LAMA3: variants seen among roughly 807,000 people sequenced by gnomAD.
LAMA3 encodes the protein laminin subunit alpha-3.
In LAMA3, 281 loss-of-function variants were observed where a neutral mutation model predicts 402.0. The observed-to-expected ratio is 0.70, with a 90% CI of 0.63 to 0.77. The LOEUF (loss-of-function observed/expected upper bound fraction) is 0.77. Ranked by LOEUF, LAMA3 falls within the 30% of genes least tolerant of loss-of-function variation. The pLI, the probability that LAMA3 is intolerant of heterozygous loss-of-function variation, is 0.00. For missense variants in LAMA3, 3,840 were observed against 4,215.5 expected (o/e 0.91, Z 2.47); for synonymous variants, 1,431 against 1,558.4 (o/e 0.92, Z 1.93).
intron 23 of LAMA3, among the ~76,000 whole-genome samples, chr18:23,829,169 G>T (rs2063446157): frequency 6.6e-6 from 1 of 152,162 alleles, no homozygotes; most frequent in Non-Finnish European, 1.5e-5. Flanking sequence ...TTATTGGTTA[G>T]GTTAGGTTTG....
chr18:23,747,948 C>A lies in LAMA3; in HGVS notation c.453C>A (p.Phe151Leu). Residue 151 changes from phenylalanine (F) to leucine (L), a missense_variant, in exon 3 of 75, where the codon TTC (phenylalanine) becomes TTA (leucine). Physicochemically the swap from Phe to Leu is conservative, Grantham distance 22 (BLOSUM62 0). Transcript: ENST00000313654. ...VNLTLDLGQL[F>L]HVAYILIKFA... The stretch of plus-strand genomic sequence containing the variant: ...TATCTCTTTTGTTTTATCAGCTCTT[C>A]CATGTGGCCTATATTTTAATCAAAT... 1 of 1,556,536 alleles carries A rather than the reference C, an allele frequency of 6.4e-7. No homozygotes were observed. Among genetic ancestry groups the A allele is most frequent in the Non-Finnish European group, 8.9e-7 (1 of 1,127,522 alleles).
intron 2 of LAMA3, among the ~76,000 whole-genome samples, chr18:23,725,299 CG>C: frequency 6.6e-6 from 1 of 152,196 alleles, no homozygotes; most frequent in Admixed American, 6.5e-5. Flanking sequence ...TTAGTAGAGA[CG>C]GGGTTCCACC....
intron 55 of LAMA3, among the ~76,000 whole-genome samples, chr18:23,910,720 A>G (rs1406517155): frequency 6.6e-6 from 1 of 152,232 alleles, no homozygotes; most frequent in Non-Finnish European, 1.5e-5. Context: ...TTTTAAAAAA[A>G]GCCACATTTA....
intron 1 of LAMA3, among the ~76,000 whole-genome samples, chr18:23,699,880 A>T (rs1416633316): frequency 6.6e-6 from 1 of 152,208 alleles, no homozygotes; most frequent in South Asian, 2.1e-4. Context: ...GAATAGATTG[A>T]TAATGTTTAC....
intron 6 of LAMA3, among the ~76,000 whole-genome samples, chr18:23,756,894 C>G (rs1181430655): frequency 1.3e-5 from 2 of 151,608 alleles, no homozygotes; most frequent in Admixed American, 6.6e-5. Context: ...TCCTCAGTCC[C>G]CTCCAAGCCT....
intron 68 of LAMA3, among the ~76,000 whole-genome samples, chr18:23,940,062 T>G (rs1037485908): frequency 2.0e-5 from 3 of 152,178 alleles, no homozygotes; most frequent in Admixed American, 6.5e-5. Context: ...CTCCAGACCA[T>G]GTGCCAGGGC....
At chr18:23,872,922 G>A in intron 38 of LAMA3, 1 of 1,258,404 alleles carries the variant, frequency 7.9e-7, no homozygotes, top group Non-Finnish European at 1.1e-6. Context: ...TTAAAGGTGG[G>A]GCCCCTGCCG....
intron 1 of LAMA3, among the ~76,000 whole-genome samples, chr18:23,706,033 G>C (rs1414788706): frequency 6.6e-6 from 1 of 151,912 alleles, no homozygotes; most frequent in African/African-American, 2.4e-5. Flanking sequence ...CGAAAAAGTA[G>C]GTGCTTTTTA....
In LAMA3 at chr18:23,914,448, C is replaced by T. The variant is rs764530111; in HGVS notation, c.7368C>T (p.Gly2456=). 1 of 1,614,098 alleles carries T rather than the reference C, an allele frequency of 6.2e-7. No homozygotes were observed. Among genetic ancestry groups the T allele is most frequent in the South Asian group, 1.1e-5 (1 of 91,068 alleles). Residue 2456 remains glycine (G), a synonymous_variant, in exon 57 of 75, where the codon GGC becomes GGT. Coordinates refer to ENST00000313654, the MANE Select transcript of LAMA3 (RefSeq NM_198129.4). ...ACATCGGCATGGCAGTTGTGGATGGCCAGCTCACCTGTGTCTACAACCTGG... is the reference window on the plus strand; with the variant it reads ...ACATCGGCATGGCAGTTGTGGATGGTCAGCTCACCTGTGTCTACAACCTGG... The part of the protein sequence containing the change: ...RDYIGMAVVD[G]QLTCVYNLGD...
At position 23,901,184 on chromosome 18, in the gene LAMA3, C is replaced by G; in HGVS notation, c.6062C>G (p.Ala2021Gly). ...KTHQGENNGL[A>G]NSIRDSLNEY... ...CACCAGGGGGAGAACAATGGGCTTG[C>G]TAACAGTATCCGGGATTCTTTAAAT... The change falls in exon 48 of 75, where the codon GCT becomes GGT. Residue 2021 changes from alanine to glycine, a missense_variant. Transcript: ENST00000313654. 6.2e-7 allele frequency: 1 copy of G among 1,614,192 alleles called. No individual in the cohort carries two copies. Among genetic ancestry groups the G allele is most frequent in the Non-Finnish European group, 8.5e-7 (1 of 1,180,018 alleles).
chr18:23,809,708 T>C (rs2063029945), intron 12 of LAMA3, among the ~76,000 whole-genome samples: 1 of 152,150 alleles, frequency 6.6e-6, no homozygotes, highest in Admixed American at 6.5e-5. Flanking sequence ...TGGTAACAGC[T>C]TGGGGGAGGG....
At position 23,894,983 on chromosome 18, in the gene LAMA3, G is replaced by A. The variant is rs749028845; in HGVS notation, c.5538G>A (p.Gln1846=). Residue 1846 remains glutamine (Q), a synonymous_variant, in exon 44 of 75, where the codon CAG becomes CAA. Transcript: ENST00000313654. Reference sequence around the variant, plus strand: ...AGCAGCTCCGCCTGGTCAAGTCTCAGCTGCAGGGCCTGAGTGCCAGCGCAG... The same window carrying A: ...AGCAGCTCCGCCTGGTCAAGTCTCAACTGCAGGGCCTGAGTGCCAGCGCAG... The part of the protein sequence containing the change: ...MGEQLRLVKS[Q]LQGLSASAGL... 1.2e-6 allele frequency: 2 copies of A among 1,613,950 alleles called. No individual in the cohort carries two copies. Among genetic ancestry groups the A allele is most frequent in the African/African-American group, 2.7e-5 (2 of 75,066 alleles).
At chr18:23,848,471 G>T (rs1165162153) in intron 32 of LAMA3, among the ~76,000 whole-genome samples, 1 of 152,184 alleles carries the variant, frequency 6.6e-6, no homozygotes, top group Non-Finnish European at 1.5e-5. Flanking sequence ...TAGAAGGAGA[G>T]ACTGGTAAGA....
intron 2 of LAMA3, among the ~76,000 whole-genome samples, chr18:23,724,369 A>G (rs892878943): frequency 2.1e-4 from 32 of 152,260 alleles, no homozygotes; most frequent in African/African-American, 7.2e-4. Context: ...AAAAGGAACA[A>G]TGATTTCTGG....
chr18:23,942,254 T>C (rs1380464201), intron 68 of LAMA3, among the ~76,000 whole-genome samples: 5 of 152,226 alleles, frequency 3.3e-5, no homozygotes, highest in African/African-American at 1.2e-4. Flanking sequence ...CCATGCCTCC[T>C]ATCTGGTGTC....
At chr18:23,813,983 G>A (rs553815080) in intron 14 of LAMA3, among the ~76,000 whole-genome samples, 1 of 152,276 alleles carries the variant, frequency 6.6e-6, no homozygotes, top group African/African-American at 2.4e-5. Context: ...TGACATTGAT[G>A]CAAGGCTGTG....
intron 2 of LAMA3, among the ~76,000 whole-genome samples, chr18:23,738,469 A>G (rs900027444): frequency 6.6e-6 from 1 of 152,124 alleles, no homozygotes; most frequent in African/African-American, 2.4e-5. Flanking sequence ...TGATTTTGCT[A>G]GTGAAAGAAA....
intron 40 of LAMA3, among the ~76,000 whole-genome samples, chr18:23,884,395 A>G (rs2144947383): frequency 6.6e-6 from 1 of 152,100 alleles, no homozygotes; most frequent in African/African-American, 2.4e-5. Flanking sequence ...GTTTTTTTTT[A>G]AAGAATCAGA....
intron 39 of LAMA3, among the ~76,000 whole-genome samples, chr18:23,880,925 A>G (rs2064875013): frequency 6.6e-6 from 1 of 152,184 alleles, no homozygotes; most frequent in Admixed American, 6.5e-5. Context: ...GACACTCATT[A>G]AAGTTTCCTA....
Sources: allele counts gnomAD v4.1 joint callset (sites outside exome capture counted in the v4.1 genomes callset), GRCh38; gene constraint gnomAD v4.1.1; transcripts MANE v1.5; gene names NCBI Gene and HGNC (gene_info 2026-07-23, HGNC 2026-07-21).